DRC7: variants seen among roughly 807,000 people sequenced by gnomAD.
DRC7 encodes coiled-coil domain containing 135.
A neutral mutation model predicts 104.4 loss-of-function variants in DRC7; 80 were observed. That is an observed-to-expected ratio of 0.77 (90% CI 0.64 to 0.92). The LOEUF (loss-of-function observed/expected upper bound fraction) is 0.92, where lower values mean the gene tolerates loss of function less well. Ranked by LOEUF, DRC7 falls within the 40% of genes least tolerant of loss-of-function variation. DRC7 has a pLI of 0.00. For synonymous variants in DRC7, 405 were observed against 447.3 expected (o/e 0.91, Z 1.19); for missense variants, 1,034 against 1,141.1 (o/e 0.91, Z 1.35).
intron 8 of DRC7, chr16:57,713,718 T>C (rs1206833656): frequency 1.3e-5 from 2 of 152,394 alleles, no homozygotes; most frequent in Non-Finnish European, 2.9e-5. Context: ...TGGGCCCTTT[T>C]TAAGGTGACC....
intron 16 of DRC7, 52 bp from the exon 17 acceptor site, chr16:57,728,338 A>C: frequency 6.7e-7 from 1 of 1,482,114 alleles, no homozygotes; most frequent in Non-Finnish European, 9.1e-7. Flanking sequence ...GAGCTGGTGG[A>C]GAGGTCTCTG....
Position 57,698,147 on chromosome 16 carries a change from G to C in DRC7, c.198G>C (p.Glu66Asp), listed in dbSNP as rs1381217545. 1 of 1,614,050 alleles carries C rather than the reference G, an allele frequency of 6.2e-7. No individual in the cohort carries two copies. Among genetic ancestry groups the C allele is most frequent in the Non-Finnish European group, 8.5e-7 (1 of 1,180,006 alleles). Residue 66 changes from glutamate to aspartate, a missense_variant, in exon 3 of 19, where the codon GAG becomes GAC. Physicochemically the swap from Glu to Asp is conservative, Grantham distance 45. Coordinates refer to ENST00000360716, the MANE Select transcript of DRC7 (RefSeq NM_001289162.2). The part of the protein sequence containing the change: ...LSEIQITVSA[E>D]LPAFTKDTID... ...AGATCCAGATCACTGTCTCAGCGGAGCTCCCGTGAGTGTGGCAGGGTGGGG... is the reference window on the plus strand; with the variant it reads ...AGATCCAGATCACTGTCTCAGCGGACCTCCCGTGAGTGTGGCAGGGTGGGG...
chr16:57,728,817 G>C (rs1208028765), intron 17 of DRC7, among the ~76,000 whole-genome samples: 3 of 139,412 alleles, frequency 2.2e-5, no homozygotes, highest in Non-Finnish European at 4.7e-5. Context: ...TGGGTGGGTG[G>C]GTGGGTGGAT....
chr16:57,721,550 C>T, intron 9 of DRC7, 117 bp from the exon 10 acceptor site: 6 of 724,452 alleles, frequency 8.3e-6, no homozygotes, highest in Admixed American at 2.3e-5. Flanking sequence ...AGTTCCCCTG[C>T]GGAAGCCAAC....
intron 8 of DRC7, 147 bp downstream of exon 8, chr16:57,707,825 C>T (rs1170770739): frequency 1.9e-5 from 13 of 678,938 alleles, no homozygotes; most frequent in Non-Finnish European, 3.4e-5. Context: ...GTCTCCATGG[C>T]CCACTCCCTT....
At chr16:57,695,700 G>A (rs534613277) in intron 1 of DRC7, among the ~76,000 whole-genome samples, 8 of 152,186 alleles carry the variant, frequency 5.3e-5, no homozygotes, top group Non-Finnish European at 7.3e-5. Flanking sequence ...ATGAGCATTC[G>A]TCCCCTCCTG....
rs752606379 is a variant in DRC7 at position 57,728,381 on chromosome 16, C to A, written c.2197-9C>A. 14 of 1,578,750 alleles carry A rather than the reference C, an allele frequency of 8.9e-6. No individual in the cohort carries two copies. The South Asian group carries it at 1.6e-4, about 18-fold the overall frequency. ...TGCTGATCCAGCTATCTGCCCCTCA[C>A]CTTTACAGGAGCGCATGATGCACGA... On this transcript the variant is annotated splice_polypyrimidine_tract_variant and intron_variant, in intron 16 of 18. Transcript: ENST00000360716.
At chr16:57,716,781 C>T (rs2048848266) in intron 8 of DRC7, among the ~76,000 whole-genome samples, 1 of 152,252 alleles carries the variant, frequency 6.6e-6, no homozygotes, top group Non-Finnish European at 1.5e-5. Context: ...AGCTGTTCTG[C>T]AGCCTCTGAT....
chr16:57,710,294 T>A (rs187569739), intron 8 of DRC7, among the ~76,000 whole-genome samples: 204 of 152,376 alleles, frequency 1.3e-3, no homozygotes, highest in African/African-American at 4.7e-3. Context: ...ATGATTTTTT[T>A]AAATTTCACC....
intron 8 of DRC7, chr16:57,714,940 C>G: frequency 3.1e-6 from 1 of 319,968 alleles, no homozygotes; most frequent in Non-Finnish European, 6.2e-6. Context: ...TTGTTGTGAC[C>G]TGAGAATGCT....
At chr16:57,706,906 T>C (rs1391327467) in intron 7 of DRC7, among the ~76,000 whole-genome samples, 2 of 151,530 alleles carry the variant, frequency 1.3e-5, no homozygotes, top group Admixed American at 6.6e-5. Flanking sequence ...CCATTTTTCC[T>C]GCCATCAGTC....
In DRC7 at chr16:57,726,121, G is replaced by A; in HGVS notation, c.1812G>A (p.Val604=). 2 of 1,613,272 alleles carry A rather than the reference G, an allele frequency of 1.2e-6. No homozygotes were observed. Among genetic ancestry groups the A allele is most frequent in the Non-Finnish European group, 1.7e-6 (2 of 1,180,024 alleles). The change falls in exon 14 of 19, where the codon GTG becomes GTA. Residue 604 remains valine, a synonymous_variant. Transcript: ENST00000360716. Reference sequence around the variant, plus strand: ...CAGCGAAGCCCGCGGAGGAGGACGTGGCAGAGCGCGTGTTTCTGGTCGCGG... The same window carrying A: ...CAGCGAAGCCCGCGGAGGAGGACGTAGCAGAGCGCGTGTTTCTGGTCGCGG... ...RNPAKPAEED[V]AERVFLVAEE... is the part of the protein sequence containing the mutation.
At chr16:57,718,224 C>T (rs1325124576) in intron 8 of DRC7, 123 bp from the exon 9 acceptor site, 2 of 1,274,620 alleles carry the variant, frequency 1.6e-6, no homozygotes, top group Non-Finnish European at 2.2e-6. Flanking sequence ...CGTTCTGCTT[C>T]CCCAAGCCCT....
Position 57,725,214 on chromosome 16 carries a change from T to A in DRC7, c.1758+379T>A, listed in dbSNP as rs142545224. On this transcript the variant is annotated intron_variant, in intron 13 of 18. Transcript: ENST00000360716. ...AGAATCAGGGCAGCAGGAGAGAGAA[T>A]AAGTGCTGAGCAAAGGGGAAGCTGC... Among the ~76,000 whole-genome samples, 38 of 152,070 alleles carry A rather than the reference T, an allele frequency of 2.5e-4. No homozygotes were observed. The East Asian group carries it at 5.4e-3, about 22-fold the overall frequency.
chr16:57,717,788 G>T (rs924296204), intron 8 of DRC7, among the ~76,000 whole-genome samples: 1 of 152,028 alleles, frequency 6.6e-6, no homozygotes, highest in African/African-American at 2.4e-5. Context: ...TGATCCTTCT[G>T]TGTTGGCCTC....
intron 6 of DRC7, among the ~76,000 whole-genome samples, chr16:57,702,526 C>A (rs909164289): frequency 6.6e-6 from 1 of 152,178 alleles, no homozygotes; most frequent in Non-Finnish European, 1.5e-5. Flanking sequence ...AGGCCAGGTG[C>A]GGTGGCTCAT....
intron 8 of DRC7, among the ~76,000 whole-genome samples, chr16:57,712,247 C>T (rs1241287857): frequency 6.6e-6 from 1 of 152,176 alleles, no homozygotes; most frequent in Non-Finnish European, 1.5e-5. Context: ...TCAAGAGTAG[C>T]GGCTCAGAGG....
In DRC7 at chr16:57,705,035, G is replaced by C. The variant is rs774157871; in HGVS notation, c.858+1G>C. 1.2e-6 allele frequency: 2 copies of C among 1,611,546 alleles called. No homozygotes were observed. Among genetic ancestry groups the C allele is most frequent in the Non-Finnish European group, 1.7e-6 (2 of 1,179,666 alleles). ...GAGGGAGGAGGAGGAGCGCCTCATG[G>C]TGGGTCCTCAGCCCTGAATCCCCTG... is the stretch of plus-strand genomic sequence containing the variant. On this transcript the variant is annotated splice_donor_variant, in intron 7 of 18. Transcript: ENST00000360716. LOFTEE classifies it high-confidence loss of function.
At chr16:57,709,350 A>G (rs1485745523) in intron 8 of DRC7, among the ~76,000 whole-genome samples, 1 of 152,088 alleles carries the variant, frequency 6.6e-6, no homozygotes, top group African/African-American at 2.4e-5. Context: ...TAGTACATCC[A>G]GTATAATGTC....
Sources: gnomAD v4.1 joint callset for allele counts (sites outside exome capture counted in the v4.1 genomes callset) on GRCh38, gnomAD v4.1.1 for gene constraint, MANE v1.5 for transcripts, NCBI Gene and HGNC (gene_info 2026-07-23, HGNC 2026-07-21) for gene names.